The following SLC35D4 variants were observed in gnomAD, a reference collection of about 807,000 sequenced individuals.
The protein encoded by SLC35D4 is UDP-N-acetylglucosamine transporter SLC35D4.
At chr18:23,345,438 C>T in the SLC35D4 span, among the ~76,000 whole-genome samples, 2 of 138,714 alleles carry the variant, frequency 1.4e-5, no homozygotes, top group Middle Eastern at 3.9e-3. Context: ...GCCAAGATCG[C>T]ACCACTGTAC....
chr18:23,363,107 T>C, the SLC35D4 span, among the ~76,000 whole-genome samples: 1,016 of 151,716 alleles, frequency 6.7e-3, 11 homozygotes, highest in African/African-American at 0.023. Flanking sequence ...TAGCTGGGCA[T>C]GGTGGCAGGT....
At chr18:23,303,218 G>C in the SLC35D4 span, among the ~76,000 whole-genome samples, 1 of 152,208 alleles carries the variant, frequency 6.6e-6, no homozygotes, top group African/African-American at 2.4e-5. Context: ...CCACTCTTCT[G>C]GTGGTTCACT....
At chr18:23,299,982 C>T in the SLC35D4 span, among the ~76,000 whole-genome samples, 1 of 152,178 alleles carries the variant, frequency 6.6e-6, no homozygotes, top group Non-Finnish European at 1.5e-5. Flanking sequence ...AACCAAATGA[C>T]TATCTGTGGA....
chr18:23,279,905 C>G, the SLC35D4 span, among the ~76,000 whole-genome samples: 4 of 152,132 alleles, frequency 2.6e-5, no homozygotes, highest in Non-Finnish European at 5.9e-5. Context: ...CTTACTATGT[C>G]TGTTGCCCAG....
the SLC35D4 span, among the ~76,000 whole-genome samples, chr18:23,362,365 G>A: frequency 6.6e-6 from 1 of 152,222 alleles, no homozygotes; most frequent in Non-Finnish European, 1.5e-5. Flanking sequence ...TTGGGAGGCT[G>A]AGGCAGGCAG....
chr18:23,286,569 G>A, the SLC35D4 span, among the ~76,000 whole-genome samples: 5 of 151,766 alleles, frequency 3.3e-5, no homozygotes, highest in East Asian at 3.9e-4. Context: ...AGACCATCAC[G>A]GATGCCGAGC....
the SLC35D4 span, among the ~76,000 whole-genome samples, chr18:23,240,485 T>C: frequency 6.6e-6 from 1 of 152,166 alleles, no homozygotes; most frequent in Non-Finnish European, 1.5e-5. Flanking sequence ...AGACCCTGGC[T>C]CCTTTGAGCC....
the SLC35D4 span, among the ~76,000 whole-genome samples, chr18:23,373,421 C>T: frequency 2.4e-4 from 36 of 152,140 alleles, no homozygotes; most frequent in Non-Finnish European, 4.3e-4. Flanking sequence ...GCAATTTGGG[C>T]GTTGGCTTGC....
chr18:23,251,859 G>C, the SLC35D4 span, among the ~76,000 whole-genome samples: 2 of 152,148 alleles, frequency 1.3e-5, no homozygotes, highest in African/African-American at 4.8e-5. Context: ...GCCGAGGCAG[G>C]CAGATCACCT....
chr18:23,309,485 T>G, the SLC35D4 span, among the ~76,000 whole-genome samples: 1 of 152,060 alleles, frequency 6.6e-6, no homozygotes, highest in Non-Finnish European at 1.5e-5. Context: ...ATATGCACTC[T>G]TCCCAATTTG....
At chr18:23,393,427 C>A in the SLC35D4 span, among the ~76,000 whole-genome samples, 4 of 152,118 alleles carry the variant, frequency 2.6e-5, no homozygotes, top group Admixed American at 6.6e-5. Flanking sequence ...CCTACTCCCA[C>A]CCCTGATAGC....
At chr18:23,252,939 G>C in the SLC35D4 span, 2 of 1,508,984 alleles carry the variant, frequency 1.3e-6, no homozygotes, top group Non-Finnish European at 1.8e-6. Context: ...GGAGTGATCC[G>C]TGTTCCCCTG....
At chr18:23,428,282 G>A in the SLC35D4 span, among the ~76,000 whole-genome samples, 2 of 151,934 alleles carry the variant, frequency 1.3e-5, no homozygotes, top group African/African-American at 2.4e-5. Context: ...GATACAAGTG[G>A]ATCATATGCA....
chr18:23,365,073 T>G, the SLC35D4 span, among the ~76,000 whole-genome samples: 17 of 152,308 alleles, frequency 1.1e-4, no homozygotes, highest in Admixed American at 1.1e-3. Context: ...ACTCCTTCAC[T>G]TAATTATTTC....
chr18:23,240,983 C>G, the SLC35D4 span, among the ~76,000 whole-genome samples: 1 of 152,242 alleles, frequency 6.6e-6, no homozygotes, highest in Non-Finnish European at 1.5e-5. Flanking sequence ...GTAACCACTG[C>G]TCTGATCCAG....
the SLC35D4 span, among the ~76,000 whole-genome samples, chr18:23,436,765 C>T: frequency 6.6e-6 from 1 of 152,126 alleles, no homozygotes; most frequent in African/African-American, 2.4e-5. Context: ...TGCACTCCAG[C>T]CTGGGTGACA....
chr18:23,256,670 C>T, the SLC35D4 span, among the ~76,000 whole-genome samples: 6 of 151,878 alleles, frequency 4.0e-5, no homozygotes, highest in African/African-American at 1.2e-4. Flanking sequence ...TTAGTAGAGA[C>T]GACAGGGTTT....
chr18:23,335,949 A>G, the SLC35D4 span, among the ~76,000 whole-genome samples: 1 of 152,246 alleles, frequency 6.6e-6, no homozygotes, highest in East Asian at 1.9e-4. Context: ...AAATGAGCGA[A>G]TTCATTCAAG....
chr18:23,400,383 G>A, the SLC35D4 span, among the ~76,000 whole-genome samples: 1 of 152,140 alleles, frequency 6.6e-6, no homozygotes, highest in African/African-American at 2.4e-5. Flanking sequence ...CAGCACTTTG[G>A]GAGGCTAAGA....
Sources: allele counts gnomAD v4.1 joint callset (sites outside exome capture counted in the v4.1 genomes callset), GRCh38; gene constraint gnomAD v4.1.1; transcripts MANE v1.5; gene names NCBI Gene and HGNC (gene_info 2026-07-23, HGNC 2026-07-21).